The following PAX5 variants were observed in gnomAD, a reference collection of about 807,000 sequenced individuals.
PAX5 encodes the protein paired box 5.
PAX5 carries 9 observed loss-of-function variants against 43.7 expected under a neutral mutation model. That is an observed-to-expected ratio of 0.21 (90% CI 0.12 to 0.36). The LOEUF (loss-of-function observed/expected upper bound fraction) is 0.36. Ranked by LOEUF, PAX5 falls within the 10% of genes least tolerant of loss-of-function variation. The pLI is 1.00. For synonymous variants in PAX5, 228 were observed against 214.3 expected, an observed-to-expected ratio of 1.06 and a Z score of -0.56; for missense variants, 383 against 532.7, an observed-to-expected ratio of 0.72 and a Z score of 2.77.
At chr9:36,980,114 A>G (rs1183308815) in intron 5 of PAX5, among the ~76,000 whole-genome samples, 1 of 152,186 alleles carries the variant, frequency 6.6e-6, no homozygotes, top group African/African-American at 2.4e-5. Context: ...CCTTCGTGGC[A>G]TTTAATTTAA....
Position 36,833,333 on chromosome 9 carries a change from A to G in PAX5, c.*7227T>C. ...AATAAAATTATGGCAAATATTTACA[A>G]ATAATTATCTCACATAAAGGTTACA... On this transcript the variant is annotated 3_prime_UTR_variant, in exon 10 of 10. Coordinates refer to ENST00000358127, the MANE Select transcript of PAX5 (RefSeq NM_016734.3). The G allele has an allele frequency of 4.3e-6, 1 of 233,060 alleles. No individual in the cohort carries two copies. Among genetic ancestry groups the G allele is most frequent in the East Asian group, 6.1e-5 (1 of 16,506 alleles). 14.4% of individuals were successfully genotyped at this position (233,060 alleles called of 1,614,324 possible).
At position 37,021,927 on chromosome 9, in the gene PAX5, G is replaced by A. The variant is rs143374555; in HGVS notation, c.47-1126C>T. Among the ~76,000 whole-genome samples, 117 of 152,240 alleles carry A rather than the reference G, an allele frequency of 7.7e-4. 1 individual carries two copies. The highest frequency in any genetic ancestry group is 2.6e-3 in the African/African-American group (106 of 41,544). ...ACCAAGACTGGACTAGGACTGGACC[G>A]TACAAGGGAAAGACCTCAAAGGTCT... On this transcript the variant is annotated intron_variant, in intron 1 of 9. Transcript: ENST00000358127.
chr9:36,863,776 C>G (rs577216021), intron 8 of PAX5, among the ~76,000 whole-genome samples: 1 of 152,116 alleles, frequency 6.6e-6, no homozygotes, highest in East Asian at 1.9e-4. Context: ...ACACGCAGGT[C>G]GGGGAATGAA....
At position 37,034,098 on chromosome 9, in the gene PAX5, CTTTTTTTTTTTTTTTTTTT is replaced by C. The variant is rs576653546; in HGVS notation, c.-86_-68del. Reference sequence around the variant, plus strand: ...TCCACTTTTTTGTGCCTTTTTTTTTCTTTTTTTTTTTTTTTTTTTTTTTTTTTTGGTGCCAGGGGCCGCT... The same window carrying C: ...TCCACTTTTTTGTGCCTTTTTTTTTCTTTTTTTTTGGTGCCAGGGGCCGCT... On this transcript the variant is annotated 5_prime_UTR_variant, in exon 1 of 10. Coordinates refer to ENST00000358127, the MANE Select transcript of PAX5 (RefSeq NM_016734.3). The C allele has an allele frequency of 3.9e-4, 125 of 320,102 alleles. 34 individuals are homozygous for C. The Admixed American group carries it at 6.5e-3, about 17-fold the overall frequency. The allele number at this position is 320,102 out of a possible 1,614,324, so 19.8% of individuals were successfully genotyped here.
chr9:36,850,137 G>A (rs936566057), intron 8 of PAX5, among the ~76,000 whole-genome samples: 2 of 152,042 alleles, frequency 1.3e-5, no homozygotes, highest in Non-Finnish European at 2.9e-5. Context: ...TGGGCAGAAC[G>A]TGGCCCCTGC....
At chr9:36,886,022 T>C (rs1280577937) in intron 7 of PAX5, among the ~76,000 whole-genome samples, 1 of 152,084 alleles carries the variant, frequency 6.6e-6, no homozygotes, top group East Asian at 1.9e-4. Context: ...AAGCTTGATG[T>C]GTGCTTGTGT....
At chr9:36,867,498 T>TTAA (rs58915646) in intron 8 of PAX5, among the ~76,000 whole-genome samples, 5,016 of 152,170 alleles carry the variant, frequency 0.033, 262 homozygotes, top group African/African-American at 0.12. Context: ...ACTGCAATTA[T>TTAA]ACATGAAAGG....
chr9:37,027,143 C>G (rs527669575), intron 1 of PAX5, among the ~76,000 whole-genome samples: 4 of 152,364 alleles, frequency 2.6e-5, no homozygotes, highest in Admixed American at 2.0e-4. Flanking sequence ...CCCCCTCCGC[C>G]TCTCTCCAAC....
At chr9:36,888,502 C>T (rs140225238) in intron 7 of PAX5, among the ~76,000 whole-genome samples, 44 of 152,192 alleles carry the variant, frequency 2.9e-4, no homozygotes, top group African/African-American at 8.4e-4. Context: ...GACTATGCTA[C>T]GTGAAAGAAG....
At chr9:36,846,504 T>G (rs990011412) in intron 9 of PAX5, among the ~76,000 whole-genome samples, 1 of 152,240 alleles carries the variant, frequency 6.6e-6, no homozygotes, top group African/African-American at 2.4e-5. Flanking sequence ...CGCCTGAATA[T>G]GTCATTATGC....
intron 5 of PAX5, among the ~76,000 whole-genome samples, chr9:36,991,770 G>A (rs138264531): frequency 4.2e-5 from 6 of 141,952 alleles, no homozygotes; most frequent in South Asian, 2.4e-4. Flanking sequence ...CTGGTGGCTG[G>A]TGCTGGGAAG....
chr9:36,838,166 T>G lies in PAX5; in HGVS notation c.*2394A>C. 4.3e-6 allele frequency: 1 copy of G among 233,210 alleles called. No individual in the cohort carries two copies. The highest frequency in any genetic ancestry group is 1.8e-4 in the South Asian group (1 of 5,510). 14.4% of individuals were successfully genotyped at this position (233,210 alleles called of 1,614,324 possible). On this transcript the variant is annotated 3_prime_UTR_variant, in exon 10 of 10. Transcript: ENST00000358127. ...GGACTCTGGCCCCAACTACCTCCCT[T>G]CTTTGCCCCGCAGGTTCTGGGTGGG...
chr9:36,984,340 T>A lies in PAX5; in HGVS notation c.605-17616A>T, dbSNP rs772225199. The stretch of plus-strand genomic sequence containing the variant: ...CTGCCTCTGCCAACTAGTAGAGCAG[T>A]TATATGCACAGGCTCTGAAAACAGA... On this transcript the variant is annotated intron_variant, in intron 5 of 9. Coordinates refer to ENST00000358127, the MANE Select transcript of PAX5 (RefSeq NM_016734.3). Among the ~76,000 whole-genome samples the A allele has an allele frequency of 1.1e-3, 162 of 151,924 alleles. 4 individuals are homozygous for A. Among genetic ancestry groups the A allele is most frequent in the Non-Finnish European group, 2.5e-4 (17 of 67,986 alleles).
intron 6 of PAX5, among the ~76,000 whole-genome samples, chr9:36,962,099 C>A (rs1157197050): frequency 1.3e-5 from 2 of 152,236 alleles, no homozygotes; most frequent in African/African-American, 4.8e-5. Context: ...AGGCTCCGAG[C>A]TAACAGCAGT....
intron 1 of PAX5, among the ~76,000 whole-genome samples, chr9:37,025,981 A>G (rs1840314579): frequency 2.0e-5 from 3 of 152,090 alleles, no homozygotes; most frequent in East Asian, 1.9e-4. Flanking sequence ...TACTTCCTTG[A>G]TTTTTCAAAG....
chr9:37,020,315 C>T (rs7858143), intron 2 of PAX5, among the ~76,000 whole-genome samples: 4,249 of 152,178 alleles, frequency 0.028, 185 homozygotes, highest in African/African-American at 0.093. Context: ...TTAAGTCCTA[C>T]GCGGGGACCC....
chr9:36,907,358 C>T (rs766715624), intron 7 of PAX5, among the ~76,000 whole-genome samples: 18 of 152,166 alleles, frequency 1.2e-4, no homozygotes, highest in East Asian at 3.9e-4. Flanking sequence ...GCTTCCTCCC[C>T]GTGGCTTCCC....
chr9:37,012,750 G>T (rs942635144), intron 3 of PAX5, among the ~76,000 whole-genome samples: 2 of 152,218 alleles, frequency 1.3e-5, no homozygotes, highest in Admixed American at 6.5e-5. Context: ...AAGTGGGTAG[G>T]TGGGAGTGTT....
chr9:36,964,065 G>A (rs922065453), intron 6 of PAX5, among the ~76,000 whole-genome samples: 1 of 152,042 alleles, frequency 6.6e-6, no homozygotes, highest in Non-Finnish European at 1.5e-5. Flanking sequence ...CGGATCATGA[G>A]GTCAGGAGAT....
Sources: gnomAD v4.1 joint callset for allele counts (sites outside exome capture counted in the v4.1 genomes callset) on GRCh38, gnomAD v4.1.1 for gene constraint, MANE v1.5 for transcripts, NCBI Gene and HGNC (gene_info 2026-07-23, HGNC 2026-07-21) for gene names.